Variants in DPP10 observed in about 807,000 individuals in gnomAD.
The protein encoded by DPP10 is dipeptidyl peptidase like 10.
In DPP10, 33 loss-of-function variants were observed where a neutral mutation model predicts 120.9. The observed-to-expected ratio is 0.27, with a 90% CI of 0.21 to 0.37. The LOEUF is 0.37. Ranked by LOEUF, DPP10 falls within the 10% of genes least tolerant of loss-of-function variation. The probability of loss-of-function intolerance (pLI) is 1.00; values close to 1 mark genes in which losing one functional copy is unlikely to be tolerated. For missense variants in DPP10, 816 were observed against 942.8 expected, an observed-to-expected ratio of 0.87 and a Z score of 1.76; for synonymous variants, 337 against 326.1, an observed-to-expected ratio of 1.03 and a Z score of -0.36.
chr2:114,973,555 G>C (rs1052943572), intron 1 of DPP10, among the ~76,000 whole-genome samples: 44 of 147,882 alleles, frequency 3.0e-4, no homozygotes, highest in African/African-American at 1.0e-3. Context: ...CCAGCTACTC[G>C]GGAGACTGAG....
chr2:115,810,922 T>C (rs1686574467), intron 19 of DPP10, among the ~76,000 whole-genome samples: 1 of 152,178 alleles, frequency 6.6e-6, no homozygotes. Flanking sequence ...AATACACACA[T>C]GAGTCGTGGT....
intron 2 of DPP10, among the ~76,000 whole-genome samples, chr2:115,340,982 G>A (rs561666015): frequency 2.6e-5 from 4 of 152,062 alleles, no homozygotes; most frequent in Non-Finnish European, 4.4e-5. Flanking sequence ...TTACGTGATA[G>A]GGAAATTTAA....
chr2:115,191,179 T>C (rs1207657563), intron 1 of DPP10, among the ~76,000 whole-genome samples: 2 of 152,154 alleles, frequency 1.3e-5, no homozygotes, highest in African/African-American at 4.8e-5. Context: ...GGCTAACTCC[T>C]TTAGTAAAAT....
chr2:114,732,636 GA>G (rs1677029102), intron 1 of DPP10, among the ~76,000 whole-genome samples: 1 of 152,172 alleles, frequency 6.6e-6, no homozygotes, highest in African/African-American at 2.4e-5. Flanking sequence ...TTGCATTTTA[GA>G]AAACTCATTC....
chr2:115,376,113 G>A (rs1004672208), intron 3 of DPP10, among the ~76,000 whole-genome samples: 1 of 152,152 alleles, frequency 6.6e-6, no homozygotes, highest in Non-Finnish European at 1.5e-5. Context: ...TGGAGCTATA[G>A]ATGGAGGCAG....
intron 1 of DPP10, among the ~76,000 whole-genome samples, chr2:114,760,306 C>T (rs1225742673): frequency 2.0e-5 from 3 of 152,166 alleles, no homozygotes; most frequent in African/African-American, 7.2e-5. Context: ...GTAGCGCACC[C>T]TCCCTTTGGC....
At chr2:114,459,977 A>C (rs4849335) in intron 1 of DPP10, among the ~76,000 whole-genome samples, 102,013 of 151,916 alleles carry the variant, frequency 0.67, 34,427 homozygotes, top group East Asian at 0.7. Context: ...GACATTAAAG[A>C]CCTTTTCATT....
At chr2:114,899,988 T>C (rs1411010428) in intron 1 of DPP10, among the ~76,000 whole-genome samples, 1 of 152,100 alleles carries the variant, frequency 6.6e-6, no homozygotes, top group Non-Finnish European at 1.5e-5. Flanking sequence ...AAAAGATTTA[T>C]TCGTGTTAAT....
intron 1 of DPP10, among the ~76,000 whole-genome samples, chr2:114,495,675 T>C (rs537224171): frequency 6.6e-6 from 1 of 152,316 alleles, no homozygotes; most frequent in African/African-American, 2.4e-5. Flanking sequence ...GGTGTTGCCA[T>C]TGGATGTCAA....
chr2:115,769,568 T>A lies in DPP10; in HGVS notation c.1221+1164T>A, dbSNP rs77052147. On this transcript the variant is annotated intron_variant, in intron 13 of 25. Coordinates refer to ENST00000410059, the MANE Select transcript of DPP10 (RefSeq NM_020868.6). The stretch of plus-strand genomic sequence containing the variant: ...TTCCACAGTACAGATGTAGATTGAT[T>A]TTCATAGTATATTATTAAGGTGGAA... Among the ~76,000 whole-genome samples the A allele has an allele frequency of 4.8e-3, 733 of 152,134 alleles. 8 individuals carry two copies. Among genetic ancestry groups the A allele is most frequent in the African/African-American group, 0.016 (650 of 41,556 alleles).
intron 1 of DPP10, among the ~76,000 whole-genome samples, chr2:115,076,463 T>A (rs546426502): frequency 6.6e-6 from 1 of 152,088 alleles, no homozygotes; most frequent in Non-Finnish European, 1.5e-5. Flanking sequence ...CTATAGGTGC[T>A]GGCCCTGTAT....
chr2:115,574,393 G>A (rs984902718), intron 5 of DPP10, among the ~76,000 whole-genome samples: 3 of 152,104 alleles, frequency 2.0e-5, no homozygotes, highest in Admixed American at 6.5e-5. Context: ...TCATCATCTT[G>A]TAGTAAGTTC....
At chr2:115,259,219 C>G (rs184940634) in intron 1 of DPP10, among the ~76,000 whole-genome samples, 1 of 152,254 alleles carries the variant, frequency 6.6e-6, no homozygotes, top group Admixed American at 6.5e-5. Context: ...GGGTGGCTCA[C>G]ACCTGTAATC....
rs146749619 is a variant in DPP10, at chr2:114,766,415, T to A, written c.60+323577T>A. Among the ~76,000 whole-genome samples, 744 of 152,334 alleles carry A rather than the reference T, an allele frequency of 4.9e-3. 5 individuals are homozygous for A. Among genetic ancestry groups the A allele is most frequent in the Middle Eastern group, 0.01 (3 of 294 alleles). ...GTAAAATTAAATATGCAATTACTAT[T>A]TGAAACCCAGCAATCACATTCTTGG... On this transcript the variant is annotated intron_variant, in intron 1 of 25. Transcript: ENST00000410059.
chr2:115,058,747 C>T (rs1559044468), intron 1 of DPP10, among the ~76,000 whole-genome samples: 2 of 150,884 alleles, frequency 1.3e-5, no homozygotes, highest in Admixed American at 6.6e-5. Context: ...AGTCAACAAT[C>T]TTTTTTTTTA....
intron 5 of DPP10, among the ~76,000 whole-genome samples, chr2:115,557,209 C>T (rs78403788): frequency 3.5e-4 from 53 of 152,162 alleles, no homozygotes; most frequent in African/African-American, 1.2e-3. Context: ...TAATAAAATG[C>T]GGTCAGAAAG....
chr2:115,765,284 T>C (rs759126846), intron 12 of DPP10, among the ~76,000 whole-genome samples: 3 of 152,148 alleles, frequency 2.0e-5, no homozygotes, highest in Non-Finnish European at 2.9e-5. Context: ...AAGCTATTCA[T>C]CTTTTGATAG....
At chr2:115,686,616 A>G (rs760789498) in intron 5 of DPP10, among the ~76,000 whole-genome samples, 2 of 152,038 alleles carry the variant, frequency 1.3e-5, no homozygotes, top group East Asian at 1.9e-4. Flanking sequence ...ACAGTATAAT[A>G]TAGAGATGAT....
At chr2:115,225,469 A>G (rs142093922) in intron 1 of DPP10, among the ~76,000 whole-genome samples, 17 of 150,004 alleles carry the variant, frequency 1.1e-4, no homozygotes, top group African/African-American at 2.9e-4. Context: ...CGAAACACTT[A>G]TATATTGAAG....
Sources: allele counts gnomAD v4.1 joint callset (sites outside exome capture counted in the v4.1 genomes callset), GRCh38; gene constraint gnomAD v4.1.1; transcripts MANE v1.5; gene names NCBI Gene and HGNC (gene_info 2026-07-23, HGNC 2026-07-21).